The following XYLT1 variants were observed in gnomAD, a reference collection of about 807,000 sequenced individuals.
XYLT1 encodes the protein beta-D-xylosyltransferase 1.
A neutral mutation model predicts 91.3 loss-of-function variants in XYLT1; 36 were observed. The observed-to-expected ratio is 0.39, with a 90% CI of 0.30 to 0.52. The LOEUF (loss-of-function observed/expected upper bound fraction) is 0.52. XYLT1 is among the 20% of genes least tolerant of loss of function. XYLT1 has a pLI of 0.68. For missense variants in XYLT1, 1,242 were observed against 1,284.5 expected (o/e 0.97, Z 0.51); for synonymous variants, 588 against 532.0 (o/e 1.11, Z -1.45).
At chr16:17,242,202 T>C (rs866797687) in intron 3 of XYLT1, among the ~76,000 whole-genome samples, 3 of 152,096 alleles carry the variant, frequency 2.0e-5, no homozygotes, top group South Asian at 2.1e-4. Context: ...TGAGCAGGGG[T>C]TGGCGAATTA....
intron 5 of XYLT1, among the ~76,000 whole-genome samples, chr16:17,176,313 C>T (rs975699028): frequency 6.6e-5 from 10 of 152,210 alleles, no homozygotes; most frequent in Non-Finnish European, 4.4e-5. Context: ...CATCGTTTCT[C>T]GAGCCCTTTC....
chr16:17,121,377 G>A lies in XYLT1; in HGVS notation c.2224-3398C>T, dbSNP rs2030049224. On this transcript the variant is annotated intron_variant, in intron 10 of 11. Coordinates refer to ENST00000261381, the MANE Select transcript of XYLT1 (RefSeq NM_022166.4). Reference sequence around the variant, plus strand: ...AAGGGTGAGGTGTGGGGCAGCCTGAGCTAGGGCCCTGCTGCTGTCACATCC... The same window carrying A: ...AAGGGTGAGGTGTGGGGCAGCCTGAACTAGGGCCCTGCTGCTGTCACATCC... Among the ~76,000 whole-genome samples, 5 of 152,276 alleles carry A rather than the reference G, an allele frequency of 3.3e-5. No homozygotes were observed. The East Asian group carries it at 9.6e-4, about 29-fold the overall frequency.
chr16:17,205,852 T>C (rs1387188433), intron 3 of XYLT1, among the ~76,000 whole-genome samples: 1 of 152,184 alleles, frequency 6.6e-6, no homozygotes, highest in Admixed American at 6.5e-5. Flanking sequence ...CTCGATTCTA[T>C]TTATACTCTG....
chr16:17,233,494 C>A (rs575535637), intron 3 of XYLT1, among the ~76,000 whole-genome samples: 2 of 152,358 alleles, frequency 1.3e-5, no homozygotes, highest in South Asian at 4.1e-4. Flanking sequence ...CAGGGCTCTG[C>A]GCATACTAAG....
intron 5 of XYLT1, among the ~76,000 whole-genome samples, chr16:17,184,681 A>T (rs1304209338): frequency 6.6e-6 from 1 of 152,234 alleles, no homozygotes; most frequent in Admixed American, 6.5e-5. Context: ...ATCACCCCCG[A>T]AAGTTCCACT....
intron 1 of XYLT1, among the ~76,000 whole-genome samples, chr16:17,450,338 AAAAC>A (rs1183694789): frequency 1.6e-3 from 249 of 151,742 alleles, no homozygotes; most frequent in African/African-American, 5.2e-3. Context: ...ACTCCGTCTC[AAAAC>A]AAACAAACAA....
chr16:17,365,509 T>C (rs2141869421), intron 1 of XYLT1, among the ~76,000 whole-genome samples: 1 of 152,210 alleles, frequency 6.6e-6, no homozygotes, highest in South Asian at 2.1e-4. Flanking sequence ...CACCTTCAAA[T>C]AGGGCTCAGG....
intron 1 of XYLT1, among the ~76,000 whole-genome samples, chr16:17,375,321 T>C (rs571580949): frequency 6.6e-6 from 1 of 152,040 alleles, no homozygotes; most frequent in Non-Finnish European, 1.5e-5. Flanking sequence ...AAAGCTAAGA[T>C]TAGCTAATAA....
intron 1 of XYLT1, among the ~76,000 whole-genome samples, chr16:17,410,851 A>G (rs533060106): frequency 6.6e-6 from 1 of 152,260 alleles, no homozygotes. Flanking sequence ...CACGTTGGCC[A>G]GGCTGGTCTC....
chr16:17,440,464 G>A (rs1025605119), intron 1 of XYLT1, among the ~76,000 whole-genome samples: 4 of 152,170 alleles, frequency 2.6e-5, no homozygotes, highest in African/African-American at 9.7e-5. Flanking sequence ...TGCATTCAAT[G>A]TCAGCCATTT....
chr16:17,330,744 A>C (rs2034884359), intron 2 of XYLT1, among the ~76,000 whole-genome samples: 1 of 152,064 alleles, frequency 6.6e-6, no homozygotes, highest in Non-Finnish European at 1.5e-5. Context: ...TAATGAGCCA[A>C]GATCGCGCCA....
rs576766115 is a variant in XYLT1, at chr16:17,335,676, G to A, written c.402+22336C>T. On this transcript the variant is annotated intron_variant, in intron 2 of 11. Coordinates refer to ENST00000261381, the MANE Select transcript of XYLT1 (RefSeq NM_022166.4). ...GTCATTGCACTCTAGCCTGGGCAACGAGAGCAAAACTCCATCTCAAAAAAA... is the reference window on the plus strand; with the variant it reads ...GTCATTGCACTCTAGCCTGGGCAACAAGAGCAAAACTCCATCTCAAAAAAA... Among the ~76,000 whole-genome samples, 271 of 139,100 alleles carry A rather than the reference G, an allele frequency of 1.9e-3. 3 individuals are homozygous for A. Among genetic ancestry groups the A allele is most frequent in the South Asian group, 7.1e-3 (32 of 4,500 alleles). 91.3% of individuals were successfully genotyped at this position (139,100 alleles called of 152,430 possible). A position where few individuals can be genotyped will look rare whatever the true frequency, so the allele number is the denominator to read the frequency against.
chr16:17,343,749 AT>A (rs1194093106), intron 2 of XYLT1, among the ~76,000 whole-genome samples: 1 of 152,216 alleles, frequency 6.6e-6, no homozygotes, highest in East Asian at 1.9e-4. Flanking sequence ...CATTACAGGC[AT>A]GAGCCACCAT....
At chr16:17,465,955 C>T (rs910690442) in intron 1 of XYLT1, among the ~76,000 whole-genome samples, 1 of 152,104 alleles carries the variant, frequency 6.6e-6, no homozygotes, top group African/African-American at 2.4e-5. Context: ...GAGAAAGGGC[C>T]GAGCCAGGAG....
chr16:17,114,787 A>G (rs1460649987), intron 11 of XYLT1, among the ~76,000 whole-genome samples: 1 of 152,114 alleles, frequency 6.6e-6, no homozygotes, highest in African/African-American at 2.4e-5. Context: ...TCCTGTTTCT[A>G]CGAGTTTGTG....
At chr16:17,116,770 C>T (rs1966853130) in intron 11 of XYLT1, among the ~76,000 whole-genome samples, 1 of 152,230 alleles carries the variant, frequency 6.6e-6, no homozygotes, top group African/African-American at 2.4e-5. Context: ...ACTAGCACTG[C>T]ATGAATGCCT....
intron 1 of XYLT1, among the ~76,000 whole-genome samples, chr16:17,449,486 C>T (rs577384501): frequency 3.5e-4 from 54 of 152,224 alleles, no homozygotes; most frequent in Non-Finnish European, 6.8e-4. Flanking sequence ...GTCCCATCAA[C>T]GGGACTTAGC....
At chr16:17,297,487 A>T (rs935866992) in intron 2 of XYLT1, among the ~76,000 whole-genome samples, 1 of 152,036 alleles carries the variant, frequency 6.6e-6, no homozygotes, top group Non-Finnish European at 1.5e-5. Flanking sequence ...AAGCCAAGGC[A>T]AGATCACTTG....
chr16:17,192,417 A>C (rs984713616), intron 5 of XYLT1, among the ~76,000 whole-genome samples: 1 of 152,146 alleles, frequency 6.6e-6, no homozygotes, highest in Non-Finnish European at 1.5e-5. Flanking sequence ...CTCTTACTAC[A>C]AGTCCAAGCC....
Sources: gnomAD v4.1 joint callset for allele counts (sites outside exome capture counted in the v4.1 genomes callset) on GRCh38, gnomAD v4.1.1 for gene constraint, MANE v1.5 for transcripts, NCBI Gene and HGNC (gene_info 2026-07-23, HGNC 2026-07-21) for gene names.